Variants in IL34 observed in about 807,000 individuals in gnomAD.
IL34 encodes the protein interleukin 34, also known as interleukin-34.
A neutral mutation model predicts 25.3 loss-of-function variants in IL34; 17 were observed. That is an observed-to-expected ratio of 0.67 (90% CI 0.46 to 1.01). The LOEUF (loss-of-function observed/expected upper bound fraction) is 1.01. Ranked by LOEUF, IL34 falls within the 50% of genes least tolerant of loss-of-function variation. The pLI is 0.00. For synonymous variants in IL34, 174 were observed against 140.9 expected (o/e 1.23, Z -1.66); for missense variants, 368 against 312.9 (o/e 1.18, Z -1.33).
At position 70,588,544 on chromosome 16, in the gene IL34, C is replaced by T. The variant is rs557023336; in HGVS notation, c.-401+8495C>T. Reference sequence around the variant, plus strand: ...GAATCACCATACAATCCAGCAATCCCACTTCTGGATATATACCAAAAAGAA... The same window carrying T: ...GAATCACCATACAATCCAGCAATCCTACTTCTGGATATATACCAAAAAGAA... On this transcript the variant is annotated intron_variant, in intron 1 of 6. Coordinates refer to the IL34 transcript ENST00000429149. Among the ~76,000 whole-genome samples the T allele has an allele frequency of 2.0e-5, 3 of 152,022 alleles. No individual in the cohort carries two copies. The East Asian group carries it at 5.8e-4, about 29-fold the overall frequency.
intron 1 of IL34, among the ~76,000 whole-genome samples, chr16:70,627,442 C>T (rs544710829): frequency 7.1e-6 from 1 of 139,934 alleles, no homozygotes; most frequent in Non-Finnish European, 1.5e-5. Context: ...CCCTCCCCCT[C>T]CGCTCCCCTC....
At chr16:70,593,574 G>T (rs1256657171) in intron 1 of IL34, among the ~76,000 whole-genome samples, 2 of 152,178 alleles carry the variant, frequency 1.3e-5, no homozygotes, top group Non-Finnish European at 2.9e-5. Flanking sequence ...CTGGAGTGCA[G>T]TGGCATGATT....
At chr16:70,626,225 G>A (rs2051390445) in intron 1 of IL34, among the ~76,000 whole-genome samples, 1 of 152,078 alleles carries the variant, frequency 6.6e-6, no homozygotes, top group Non-Finnish European at 1.5e-5. Context: ...GATATAAATT[G>A]CATTCAGTTT....
chr16:70,583,932 G>T (rs867999462), intron 1 of IL34, among the ~76,000 whole-genome samples: 1 of 152,080 alleles, frequency 6.6e-6, no homozygotes, highest in African/African-American at 2.4e-5. Context: ...GATTACGAGC[G>T]TGAACCACCG....
chr16:70,619,329 G>A (rs1597750798), intron 1 of IL34, among the ~76,000 whole-genome samples: 1 of 152,058 alleles, frequency 6.6e-6, no homozygotes, highest in African/African-American at 2.4e-5. Flanking sequence ...GAATACAAGA[G>A]GAGACGCAAA....
intron 1 of IL34, among the ~76,000 whole-genome samples, chr16:70,638,685 C>A (rs909874649): frequency 2.0e-5 from 3 of 152,070 alleles, no homozygotes; most frequent in African/African-American, 7.2e-5. Context: ...GCAGCTTGGA[C>A]CTCCCGGGGT....
chr16:70,629,538 C>A (rs923981906), intron 1 of IL34, among the ~76,000 whole-genome samples: 1 of 152,088 alleles, frequency 6.6e-6, no homozygotes, highest in Non-Finnish European at 1.5e-5. Flanking sequence ...TACTTACACC[C>A]TCCTGTGTAA....
Position 70,624,330 on chromosome 16 carries a change from C to T in IL34, c.-400-22218C>T, listed in dbSNP as rs2051345133. Among the ~76,000 whole-genome samples, 4 of 152,016 alleles carry T rather than the reference C, an allele frequency of 2.6e-5. No homozygotes were observed. The South Asian group carries it at 8.3e-4, about 31-fold the overall frequency. ...AAGTTCTTGTGTGCTGGAGATGTGGCTGGGGTTTGTCTCACAGTGGAGGCA... is the reference window on the plus strand; with the variant it reads ...AAGTTCTTGTGTGCTGGAGATGTGGTTGGGGTTTGTCTCACAGTGGAGGCA... On this transcript the variant is annotated intron_variant, in intron 1 of 6. Coordinates refer to the IL34 transcript ENST00000429149.
chr16:70,616,928 TATATTA>T (rs1273359927), intron 1 of IL34, among the ~76,000 whole-genome samples: 1 of 152,138 alleles, frequency 6.6e-6, no homozygotes, highest in African/African-American at 2.4e-5. Flanking sequence ...CCTGCCGCCT[TATATTA>T]ATAAGAAAAA....
At chr16:70,633,851 C>T (rs2051575800) in intron 1 of IL34, among the ~76,000 whole-genome samples, 1 of 151,276 alleles carries the variant, frequency 6.6e-6, no homozygotes, top group African/African-American at 2.4e-5. Context: ...CTCCCTGAGT[C>T]TCTCTCTTTT....
At chr16:70,647,699 C>T (rs1289061101) in intron 1 of IL34, among the ~76,000 whole-genome samples, 1 of 152,270 alleles carries the variant, frequency 6.6e-6, no homozygotes, top group Non-Finnish European at 1.5e-5. Flanking sequence ...CTGTCTCCAA[C>T]GCCTGGCACA....
At chr16:70,631,583 C>T (rs1316145589) in intron 1 of IL34, among the ~76,000 whole-genome samples, 1 of 152,106 alleles carries the variant, frequency 6.6e-6, no homozygotes, top group Non-Finnish European at 1.5e-5. Context: ...TTTAGAGTCT[C>T]TGGGCTGTTA....
intron 4 of IL34, among the ~76,000 whole-genome samples, chr16:70,658,806 T>C (rs777444369): frequency 6.6e-6 from 1 of 152,198 alleles, no homozygotes; most frequent in African/African-American, 2.4e-5. Context: ...CCTGTTTCCA[T>C]GTCTGTCACC....
chr16:70,594,259 T>G (rs1014738902), intron 1 of IL34, among the ~76,000 whole-genome samples: 13 of 152,360 alleles, frequency 8.5e-5, no homozygotes, highest in African/African-American at 3.1e-4. Context: ...ACATGGAATA[T>G]CTCTCCATTT....
At chr16:70,620,311 A>T (rs958512298) in intron 1 of IL34, among the ~76,000 whole-genome samples, 1 of 152,122 alleles carries the variant, frequency 6.6e-6, no homozygotes, top group South Asian at 2.1e-4. Flanking sequence ...CTGATTTGGG[A>T]TAAAGAAAAA....
intron 1 of IL34, among the ~76,000 whole-genome samples, chr16:70,636,503 G>A (rs924488352): frequency 3.3e-5 from 5 of 151,820 alleles, no homozygotes; most frequent in South Asian, 2.1e-4. Flanking sequence ...ACATAGTGTC[G>A]TGGCTCATGC....
At chr16:70,625,149 G>A (rs144807388) in intron 1 of IL34, among the ~76,000 whole-genome samples, 3,350 of 152,086 alleles carry the variant, frequency 0.022, 128 homozygotes, top group African/African-American at 0.075. Flanking sequence ...AAAATAAGGC[G>A]TTTAGGTTTT....
intron 1 of IL34, among the ~76,000 whole-genome samples, chr16:70,622,012 G>A (rs916524040): frequency 8.6e-5 from 13 of 152,002 alleles, no homozygotes; most frequent in Non-Finnish European, 1.6e-4. Flanking sequence ...GCGTATATAC[G>A]TGCAAGTCAC....
chr16:70,588,757 G>A (rs972496055), intron 1 of IL34, among the ~76,000 whole-genome samples: 2 of 152,152 alleles, frequency 1.3e-5, no homozygotes, highest in African/African-American at 4.8e-5. Context: ...ATGCTACAAC[G>A]TGAATGAACT....
Sources: allele counts gnomAD v4.1 joint callset (sites outside exome capture counted in the v4.1 genomes callset), GRCh38; gene constraint gnomAD v4.1.1; transcripts MANE v1.5; gene names NCBI Gene and HGNC (gene_info 2026-07-23, HGNC 2026-07-21).